The following FBXO2 variants were observed in gnomAD, a reference collection of about 807,000 sequenced individuals.
FBXO2 encodes F-box protein 2, also known as F-box only protein 2.
FBXO2 carries 32 observed loss-of-function variants against 38.6 expected under a neutral mutation model. The ratio of observed to expected loss-of-function variants is 0.83; its 90% confidence interval spans 0.62 to 1.11. FBXO2 has a LOEUF of 1.11. Ranked by LOEUF, FBXO2 falls within the 50% of genes most tolerant of loss-of-function variation. FBXO2 has a pLI of 0.00. For missense variants in FBXO2, 450 were observed against 418.3 expected (o/e 1.08, Z -0.66); for synonymous variants, 189 against 182.9 (o/e 1.03, Z -0.27).
intron 2 of FBXO2, 133 bp downstream of exon 2, chr1:11,650,333 G>A (rs1021159983): frequency 2.8e-6 from 4 of 1,444,430 alleles, no homozygotes; most frequent in Non-Finnish European, 3.7e-6. Flanking sequence ...TACAGTAATA[G>A]ACAGCCTTGG....
In FBXO2 at chr1:11,649,107, C is replaced by T; in HGVS notation, c.736G>A (p.Asp246Asn). Residue 246 changes from aspartate (D) to asparagine (N), a missense_variant, in exon 5 of 6, where the codon GAC becomes AAC. Transcript: ENST00000354287. ...CTCACCTCCATCCAGCCCCCGCCGT[C>T]ACTGTCTTGGGGCACTGCCACCTGC... ...SGQVAVPQDS[D>N]GGGWMEISHT... 1 of 1,598,612 alleles carries T rather than the reference C, an allele frequency of 6.3e-7. No homozygotes were observed.
At position 11,648,872 on chromosome 1, in the gene FBXO2, C is replaced by A; in HGVS notation, c.757-44G>T. The A allele has an allele frequency of 3.1e-6, 5 of 1,606,084 alleles. No homozygotes were observed. The highest frequency in any genetic ancestry group is 4.3e-6 in the Non-Finnish European group (5 of 1,174,898). On this transcript the variant is annotated intron_variant, in intron 5 of 5. Coordinates refer to ENST00000354287, the MANE Select transcript of FBXO2 (RefSeq NM_012168.6). The surrounding 1 kb of genome is among the most constrained non-coding windows in gnomAD (Gnocchi z 4.2). ...AGAGTCAGCCTCGGAGGTCCTGAGG[C>A]CTCTCCTGCCGCCCCACCCCGGTAC...
intron 4 of FBXO2, 100 bp from the exon 5 acceptor site, chr1:11,649,325 G>C: frequency 9.7e-7 from 1 of 1,034,240 alleles, no homozygotes; most frequent in Non-Finnish European, 1.4e-6. Context: ...TTCCACAAAA[G>C]TCCTCCTGTG....
chr1:11,654,263 GCCCGCCGACCCCATCTCCCCTC>G, intron 1 of FBXO2, 34 bp downstream of exon 1: 1 of 1,481,998 alleles, frequency 6.7e-7, no homozygotes, highest in East Asian at 2.9e-5. Context: ...TGCAGCGCTC[GCCCGCCGACCCCATCTCCCCTC>G]CCCGCCGCAG....
Position 11,649,860 on chromosome 1 carries a change from GCTTTGCGACAC to G in FBXO2, c.525_535del (p.Trp175CysfsTer5), listed in dbSNP as rs1400178146. ...CTCAGCCTGCAGGTCAATGACCTGT[GCTTTGCGACAC>G]CACCTGGGAGAACTGGAGTTAGGAC... On this transcript the variant is annotated frameshift_variant, in exon 4 of 6. Coordinates refer to ENST00000354287, the MANE Select transcript of FBXO2 (RefSeq NM_012168.6). LOFTEE classifies it high-confidence loss of function. 2 of 1,614,066 alleles carry G rather than the reference GCTTTGCGACAC, an allele frequency of 1.2e-6. No individual in the cohort carries two copies. Among genetic ancestry groups the G allele is most frequent in the Non-Finnish European group, 1.7e-6 (2 of 1,180,020 alleles).
intron 1 of FBXO2, 93 bp downstream of exon 1, chr1:11,654,226 G>T: frequency 7.4e-7 from 1 of 1,358,386 alleles, no homozygotes; most frequent in Non-Finnish European, 9.8e-7. Flanking sequence ...AGGTCTCCGG[G>T]TCCCCTCGCT....
intron 1 of FBXO2, among the ~76,000 whole-genome samples, chr1:11,651,353 GAA>G (rs1178664196): frequency 6.6e-6 from 1 of 152,166 alleles, no homozygotes; most frequent in African/African-American, 2.4e-5. Flanking sequence ...ACATGGTCTG[GAA>G]AACACACAGC....
At position 11,648,593 on chromosome 1, in the gene FBXO2, G is replaced by T; in HGVS notation, c.*101C>A. ...GGAGCAAGGGATGGGAGGAGGATGT[G>T]TGGCTTGGGGAAGGTGAGGACGCTA... On this transcript the variant is annotated 3_prime_UTR_variant, in exon 6 of 6. Transcript: ENST00000354287. The surrounding 1 kb of genome is among the most constrained non-coding windows in gnomAD (Gnocchi z 4.2). 2.0e-6 allele frequency: 3 copies of T among 1,465,376 alleles called. No homozygotes were observed. The highest frequency in any genetic ancestry group is 2.8e-6 in the Non-Finnish European group (3 of 1,078,084). The allele number at this position is 1,465,376 out of a possible 1,614,324, so 90.8% of individuals were successfully genotyped here.
Position 11,648,971 on chromosome 1 carries a change from C to T in FBXO2, c.756+116G>A, listed in dbSNP as rs922021734. 7.1e-7 allele frequency: 1 copy of T among 1,405,160 alleles called. No homozygotes were observed. The highest frequency in any genetic ancestry group is 9.7e-7 in the Non-Finnish European group (1 of 1,035,562). The allele number at this position is 1,405,160 out of a possible 1,614,324, so 87.0% of individuals were successfully genotyped here. On this transcript the variant is annotated intron_variant, in intron 5 of 5. Coordinates refer to ENST00000354287, the MANE Select transcript of FBXO2 (RefSeq NM_012168.6). This position sits in a 1 kb window ranked among gnomAD's most constrained non-coding sequence, Gnocchi z 4.2. ...ACTCTCTCCACCACCCGGTGACTAT[C>T]TCAGCCCAGCCCAGCCCAGCCCACC...
intron 1 of FBXO2, chr1:11,653,569 A>G (rs535508875): frequency 2.0e-5 from 3 of 152,410 alleles, no homozygotes; most frequent in African/African-American, 7.2e-5. Flanking sequence ...CTGAGCTTTC[A>G]TCAGTCTGTT....
Position 11,650,006 on chromosome 1 carries a change from C to T in FBXO2, c.460G>A (p.Asp154Asn), listed in dbSNP as rs1639486863. 1 of 1,613,956 alleles carries T rather than the reference C, an allele frequency of 6.2e-7. No individual in the cohort carries two copies. The highest frequency in any genetic ancestry group is 1.3e-5 in the African/African-American group (1 of 74,938). ...DGWRVEELPGDSGVEFTHDES... is the reference protein window; with the variant it reads ...DGWRVEELPGNSGVEFTHDES... ...TCGTGGGTGAACTCCACCCCACTGTCTCCAGGCAGCTCCTCCACCCTCCAG... is the reference window on the plus strand; with the variant it reads ...TCGTGGGTGAACTCCACCCCACTGTTTCCAGGCAGCTCCTCCACCCTCCAG... Residue 154 changes from aspartate (D) to asparagine (N), a missense_variant, in exon 3 of 6, where the codon GAC becomes AAC. Physicochemically the swap from Asp to Asn is conservative, Grantham distance 23. Transcript: ENST00000354287.
intron 1 of FBXO2, chr1:11,654,067 C>T: frequency 2.3e-6 from 1 of 433,440 alleles, no homozygotes; most frequent in South Asian, 4.7e-5. Context: ...TGGGGGTCCT[C>T]TGGTGCTACT....
At position 11,649,982 on chromosome 1, in the gene FBXO2, C is replaced by T. The variant is rs780091512; in HGVS notation, c.484G>A (p.Asp162Asn). Residue 162 changes from aspartate to asparagine, a missense_variant, in exon 3 of 6, where the codon GAT becomes AAT. Asp to Asn is a conservative substitution (Grantham distance 23). Coordinates refer to ENST00000354287, the MANE Select transcript of FBXO2 (RefSeq NM_012168.6). ...GCGAAGTACTTCTTGACGCTCTCAT[C>T]GTGGGTGAACTCCACCCCACTGTCT... ...PGDSGVEFTH[D>N]ESVKKYFASS... 2.5e-6 allele frequency: 4 copies of T among 1,614,036 alleles called. No homozygotes were observed. The highest frequency in any genetic ancestry group is 8.5e-7 in the Non-Finnish European group (1 of 1,180,016).
At chr1:11,651,017 G>A (rs762183233) in intron 1 of FBXO2, among the ~76,000 whole-genome samples, 183 bp from the exon 2 acceptor site, 19 of 152,178 alleles carry the variant, frequency 1.2e-4, no homozygotes, top group Non-Finnish European at 2.5e-4. Context: ...GACCAACCCC[G>A]GATCAGCCCC....
rs1266079970 is a variant in FBXO2, at chr1:11,654,334, C to T, written c.7G>A (p.Gly3Arg). 8 of 1,460,118 alleles carry T rather than the reference C, an allele frequency of 5.5e-6. No individual in the cohort carries two copies. Among genetic ancestry groups the T allele is most frequent in the Admixed American group, 2.7e-5 (1 of 36,924 alleles). The allele number at this position is 1,460,118 out of a possible 1,614,324, so 90.4% of individuals were successfully genotyped here. A position where few individuals can be genotyped will look rare whatever the true frequency, so the allele number is the denominator to read the frequency against. MD[G>R]DGDPESVGQP... ...CGTCGGCTACCTGGGTCACCGTCTC[C>T]GTCCATCGCTGCGGAGGGCGGTCGC... is the stretch of plus-strand genomic sequence containing the variant. The change falls in exon 1 of 6, where the codon GGA (glycine) becomes AGA (arginine). Residue 3 changes from glycine (G) to arginine (R), a missense_variant. Coordinates refer to ENST00000354287, the MANE Select transcript of FBXO2 (RefSeq NM_012168.6).
At chr1:11,653,845 C>A (rs1639594415) in intron 1 of FBXO2, among the ~76,000 whole-genome samples, 1 of 152,172 alleles carries the variant, frequency 6.6e-6, no homozygotes, top group Non-Finnish European at 1.5e-5. Context: ...CTCACCACCC[C>A]GGGGAGGGGC....
Position 11,648,686 on chromosome 1 carries a change from AG to A in FBXO2, c.*7del. On this transcript the variant is annotated 3_prime_UTR_variant, in exon 6 of 6. Transcript: ENST00000354287. This position sits in a 1 kb window ranked among gnomAD's most constrained non-coding sequence, Gnocchi z 4.2. Reference sequence around the variant, plus strand: ...CAGGCAGCTGGGGGAGAGTGGAGGCAGGGTCGCTCAGGGTTCTACCCACACG... The same window carrying A: ...CAGGCAGCTGGGGGAGAGTGGAGGCAGGTCGCTCAGGGTTCTACCCACACG... 4 of 1,612,818 alleles carry A rather than the reference AG, an allele frequency of 2.5e-6. No homozygotes were observed. Among genetic ancestry groups the A allele is most frequent in the Non-Finnish European group, 3.4e-6 (4 of 1,179,612 alleles).
At chr1:11,649,330 C>T in intron 4 of FBXO2, 105 bp from the exon 5 acceptor site, 1 of 974,340 alleles carries the variant, frequency 1.0e-6, no homozygotes, top group African/African-American at 1.6e-5. Context: ...CAAAAGTCCT[C>T]CTGTGCGCCC....
chr1:11,648,507 C>T lies in FBXO2; in HGVS notation c.*187G>A, dbSNP rs889881238. On this transcript the variant is annotated 3_prime_UTR_variant, in exon 6 of 6. Transcript: ENST00000354287. The surrounding 1 kb of genome is among the most constrained non-coding windows in gnomAD (Gnocchi z 4.2). The stretch of plus-strand genomic sequence containing the variant: ...CCTCACGGATCTACATTCTAGAAGC[C>T]GGCTACCTAAGCAAACCTATGCCAA... The T allele has an allele frequency of 8.0e-6, 6 of 753,578 alleles. No individual in the cohort carries two copies. The allele number at this position is 753,578 out of a possible 1,614,324, so 46.7% of individuals were successfully genotyped here.
Sources: gnomAD v4.1 joint callset for allele counts (sites outside exome capture counted in the v4.1 genomes callset) on GRCh38, gnomAD v4.1.1 for gene constraint, Gnocchi (gnomAD v3.1) non-coding constraint, MANE v1.5 for transcripts, NCBI Gene and HGNC (gene_info 2026-07-23, HGNC 2026-07-21) for gene names.